The following SLC30A7 variants were observed in gnomAD, a reference collection of about 807,000 sequenced individuals.
SLC30A7 encodes solute carrier family 30 member 7.
Under a neutral mutation model 46.0 loss-of-function variants are expected in SLC30A7, and 35 were observed. The observed-to-expected ratio is 0.76, with a 90% CI of 0.58 to 1.01. The LOEUF is 1.01. Ranked by LOEUF, SLC30A7 falls within the 50% of genes least tolerant of loss-of-function variation. SLC30A7 has a pLI of 0.00. For synonymous variants in SLC30A7, 147 were observed against 157.8 expected (o/e 0.93, Z 0.51); for missense variants, 464 against 451.1 (o/e 1.03, Z -0.26).
intron 8 of SLC30A7, among the ~76,000 whole-genome samples, chr1:100,927,010 TAA>T (rs1034525122): frequency 1.3e-5 from 2 of 152,102 alleles, no homozygotes; most frequent in African/African-American, 4.8e-5. Flanking sequence ...ACTTCAAGTA[TAA>T]ACACACTGAG....
At chr1:100,910,413 G>A (rs1386471953) in intron 3 of SLC30A7, among the ~76,000 whole-genome samples, 1 of 152,024 alleles carries the variant, frequency 6.6e-6, no homozygotes, top group Non-Finnish European at 1.5e-5. Flanking sequence ...CAAAAGACAG[G>A]TATTTTAAAA....
At chr1:100,961,535 A>G (rs1194956970) in intron 8 of SLC30A7, among the ~76,000 whole-genome samples, 1 of 152,234 alleles carries the variant, frequency 6.6e-6, no homozygotes, top group Non-Finnish European at 1.5e-5. Context: ...ACGTGGAGTC[A>G]TATTTTAACT....
At chr1:100,992,696 TGGTTTACACTCATATACCGTGGA>T in the SLC30A7 span, 2 of 1,613,984 alleles carry the variant, frequency 1.2e-6, no homozygotes, top group Non-Finnish European at 1.7e-6. Context: ...CTGGGCTGCT[TGGTTTACACTCATATACCGTGGA>T]GGTTCATAGA....
At position 100,940,977 on chromosome 1, in the gene SLC30A7, G is replaced by A. The variant is rs1276276155; in HGVS notation, c.842+19136G>A. Reference sequence around the variant, plus strand: ...CCTGTAGTTTCCCTGTCACTTCTCTGGCTCTTCTCTCCTGCTAAACTTTAT... The same window carrying A: ...CCTGTAGTTTCCCTGTCACTTCTCTAGCTCTTCTCTCCTGCTAAACTTTAT... On this transcript the variant is annotated intron_variant, in intron 8 of 10. Transcript: ENST00000357650. 1.3e-5 allele frequency: 5 copies of A among 379,950 alleles called. No individual in the cohort carries two copies. In the Admixed American group the frequency reaches 1.5e-4, roughly 11 times the overall value. 23.5% of individuals were successfully genotyped at this position (379,950 alleles called of 1,614,324 possible). A position where few individuals can be genotyped will look rare whatever the true frequency, so the allele number is the denominator to read the frequency against.
intron 2 of SLC30A7, among the ~76,000 whole-genome samples, chr1:100,898,749 A>G (rs1651126139): frequency 6.6e-6 from 1 of 152,130 alleles, no homozygotes; most frequent in Admixed American, 6.5e-5. Flanking sequence ...TAATTTCTTT[A>G]TATGACCAGA....
chr1:100,974,613 CTT>C (rs914811011), intron 10 of SLC30A7, among the ~76,000 whole-genome samples, 195 bp from the exon 11 acceptor site: 1 of 143,988 alleles, frequency 6.9e-6, no homozygotes, highest in African/African-American at 2.6e-5. Flanking sequence ...TAACATGGCT[CTT>C]TTTTTTTTGT....
At chr1:100,951,676 T>G (rs1305843573) in intron 8 of SLC30A7, among the ~76,000 whole-genome samples, 1 of 152,104 alleles carries the variant, frequency 6.6e-6, no homozygotes, top group Non-Finnish European at 1.5e-5. Flanking sequence ...TTGTGAAAAG[T>G]CTTCCCACCT....
At chr1:100,957,279 A>AT (rs1655280507) in intron 8 of SLC30A7, among the ~76,000 whole-genome samples, 1 of 152,214 alleles carries the variant, frequency 6.6e-6, no homozygotes, top group South Asian at 2.1e-4. Context: ...TAATCGCTTA[A>AT]TATTGATTGC....
the SLC30A7 span, chr1:100,990,320 CA>C: frequency 1.9e-5 from 23 of 1,239,614 alleles, no homozygotes; most frequent in Non-Finnish European, 2.2e-5. Context: ...GATTAAAATT[CA>C]AGATGAGACT....
intron 7 of SLC30A7, among the ~76,000 whole-genome samples, chr1:100,920,219 A>G (rs1020287851): frequency 6.6e-6 from 1 of 152,028 alleles, no homozygotes; most frequent in African/African-American, 2.4e-5. Context: ...TTATTCTACC[A>G]AAACACTGAT....
At chr1:100,939,707 G>C (rs1654229503) in intron 8 of SLC30A7, among the ~76,000 whole-genome samples, 1 of 151,588 alleles carries the variant, frequency 6.6e-6, no homozygotes, top group Non-Finnish European at 1.5e-5. Context: ...AAATTAGCTG[G>C]GCATGGTGGT....
rs532168256 is a variant in SLC30A7, at chr1:100,896,099, C to G, written c.-164C>G. ...TTGCGCGGCCCGGGCCGGAAGTAAGCGAATTCCCGGGTGTGTGTCTGTGTC... is the reference window on the plus strand; with the variant it reads ...TTGCGCGGCCCGGGCCGGAAGTAAGGGAATTCCCGGGTGTGTGTCTGTGTC... On this transcript the variant is annotated 5_prime_UTR_variant, in exon 1 of 11. Transcript: ENST00000357650. The G allele has an allele frequency of 9.2e-6, 6 of 648,876 alleles. No homozygotes were observed. Among genetic ancestry groups the G allele is most frequent in the East Asian group, 5.5e-5 (2 of 36,588 alleles). The allele number at this position is 648,876 out of a possible 1,614,324, so 40.2% of individuals were successfully genotyped here.
At chr1:100,942,434 G>GA (rs1233849949) in intron 8 of SLC30A7, among the ~76,000 whole-genome samples, 1 of 152,050 alleles carries the variant, frequency 6.6e-6, no homozygotes. Flanking sequence ...CATCTCTATG[G>GA]AAAAAACACT....
intron 8 of SLC30A7, among the ~76,000 whole-genome samples, chr1:100,935,907 G>A (rs955982688): frequency 6.6e-6 from 1 of 151,966 alleles, no homozygotes; most frequent in African/African-American, 2.4e-5. Flanking sequence ...AACTCAGAAC[G>A]TTCCTAATAT....
chr1:100,896,153 C>A lies in SLC30A7; in HGVS notation c.-110C>A, dbSNP rs1210247719. 1.0e-6 allele frequency: 1 copy of A among 958,536 alleles called. No individual in the cohort carries two copies. Among genetic ancestry groups the A allele is most frequent in the Non-Finnish European group, 1.7e-6 (1 of 601,034 alleles). 59.4% of individuals were successfully genotyped at this position (958,536 alleles called of 1,614,324 possible). A position where few individuals can be genotyped will look rare whatever the true frequency, so the allele number is the denominator to read the frequency against. ...CTGTGTCTCGCAGCGGCGCGCGGCC[C>A]CGGACAAGCGCTGGGGATTCCCGTT... On this transcript the variant is annotated 5_prime_UTR_variant, in exon 1 of 11. Transcript: ENST00000357650.
chr1:100,923,642 G>T (rs1465438193), intron 8 of SLC30A7, among the ~76,000 whole-genome samples: 3 of 152,110 alleles, frequency 2.0e-5, no homozygotes, highest in African/African-American at 7.2e-5. Context: ...GCTGGGCATG[G>T]TGGTTGTGTA....
At chr1:100,960,301 C>A (rs1258096293) in intron 8 of SLC30A7, among the ~76,000 whole-genome samples, 1 of 152,170 alleles carries the variant, frequency 6.6e-6, no homozygotes, top group Non-Finnish European at 1.5e-5. Flanking sequence ...AAATTCTTAT[C>A]ACTATGCACT....
rs2101107839 is a variant in SLC30A7, at chr1:100,976,952, A to G, written c.*2095A>G. 6.5e-6 allele frequency: 1 copy of G among 152,682 alleles called. No individual in the cohort carries two copies. Among genetic ancestry groups the G allele is most frequent in the South Asian group, 2.1e-4 (1 of 4,824 alleles). The allele number at this position is 152,682 out of a possible 1,614,324, so 9.5% of individuals were successfully genotyped here. A position where few individuals can be genotyped will look rare whatever the true frequency, so the allele number is the denominator to read the frequency against. On this transcript the variant is annotated 3_prime_UTR_variant, in exon 11 of 11. Coordinates refer to ENST00000357650, the MANE Select transcript of SLC30A7 (RefSeq NM_133496.5). Reference sequence around the variant, plus strand: ...AAACAACTGTTGAGGTCTTTTAAGCAGGAAAGTTCAAAAGGAAGTGTCCTG... The same window carrying G: ...AAACAACTGTTGAGGTCTTTTAAGCGGGAAAGTTCAAAAGGAAGTGTCCTG...
At chr1:100,961,111 T>A (rs920108068) in intron 8 of SLC30A7, among the ~76,000 whole-genome samples, 2 of 151,268 alleles carry the variant, frequency 1.3e-5, no homozygotes, top group East Asian at 3.9e-4. Flanking sequence ...CCCGCCACCA[T>A]GCCCGGCTGA....
Sources: allele counts gnomAD v4.1 joint callset (sites outside exome capture counted in the v4.1 genomes callset), GRCh38; gene constraint gnomAD v4.1.1; transcripts MANE v1.5; gene names NCBI Gene and HGNC (gene_info 2026-07-23, HGNC 2026-07-21).